The following GRIK2 variants were observed in gnomAD, a reference collection of about 807,000 sequenced individuals.
The protein encoded by GRIK2 is glutamate ionotropic receptor kainate type subunit 2, also known as glutamate receptor ionotropic, kainate 2.
GRIK2 carries 32 observed loss-of-function variants against 100.3 expected under a neutral mutation model. The observed-to-expected ratio is 0.32, with a 90% CI of 0.24 to 0.43. The LOEUF (loss-of-function observed/expected upper bound fraction) is 0.43, where lower values mean the gene tolerates loss of function less well. Ranked by LOEUF, GRIK2 falls within the 20% of genes least tolerant of loss-of-function variation. The pLI is 1.00. For missense variants in GRIK2, 843 were observed against 1,114.9 expected, an observed-to-expected ratio of 0.76 and a Z score of 3.47; for synonymous variants, 417 against 389.4, an observed-to-expected ratio of 1.07 and a Z score of -0.83.
At chr6:101,846,171 C>T (rs1783800494) in intron 10 of GRIK2, among the ~76,000 whole-genome samples, 2 of 151,902 alleles carry the variant, frequency 1.3e-5, no homozygotes, top group Admixed American at 1.3e-4. Context: ...TGATAATGTC[C>T]AATTTATCTA....
At chr6:101,464,552 C>T (rs1315673256) in intron 2 of GRIK2, among the ~76,000 whole-genome samples, 1 of 116,948 alleles carries the variant, frequency 8.6e-6, no homozygotes, top group Non-Finnish European at 1.7e-5. Context: ...GAGTCTCACT[C>T]TGTCGCCAGG....
intron 15 of GRIK2, among the ~76,000 whole-genome samples, chr6:102,042,209 G>A (rs1326908179): frequency 1.3e-5 from 2 of 151,524 alleles, no homozygotes; most frequent in African/African-American, 4.8e-5. Context: ...GACATGTTTA[G>A]TAAACAATCT....
intron 7 of GRIK2, among the ~76,000 whole-genome samples, chr6:101,774,600 TA>T (rs1047929613): frequency 6.6e-6 from 1 of 152,086 alleles, no homozygotes; most frequent in Non-Finnish European, 1.5e-5. Flanking sequence ...CTGATCTTAG[TA>T]AAAAAAATTT....
chr6:101,682,209 T>C (rs1033840788), intron 5 of GRIK2, among the ~76,000 whole-genome samples: 7 of 152,184 alleles, frequency 4.6e-5, no homozygotes, highest in Non-Finnish European at 1.0e-4. Context: ...GTGTTCCTCA[T>C]TGGAGTATTT....
At chr6:101,804,926 C>T (rs1455389088) in intron 9 of GRIK2, among the ~76,000 whole-genome samples, 1 of 151,788 alleles carries the variant, frequency 6.6e-6, no homozygotes, top group Non-Finnish European at 1.5e-5. Flanking sequence ...GCAAAAAGTC[C>T]TCATTTTAAA....
chr6:101,402,530 C>A (rs1775374798), intron 2 of GRIK2, among the ~76,000 whole-genome samples: 1 of 152,180 alleles, frequency 6.6e-6, no homozygotes, highest in Non-Finnish European at 1.5e-5. Flanking sequence ...TGCCCCGAGG[C>A]TCTATGGCAG....
intron 2 of GRIK2, among the ~76,000 whole-genome samples, chr6:101,542,716 T>C (rs1776061558): frequency 6.6e-6 from 1 of 152,104 alleles, no homozygotes; most frequent in East Asian, 1.9e-4. Context: ...AGTTTTATTA[T>C]TATATAACTA....
intron 2 of GRIK2, among the ~76,000 whole-genome samples, chr6:101,502,496 A>T (rs1015448603): frequency 5.9e-5 from 9 of 152,242 alleles, no homozygotes; most frequent in Non-Finnish European, 1.2e-4. Flanking sequence ...AGAAAATAAA[A>T]AATGAAAATA....
chr6:101,554,949 T>TA (rs1236640935), intron 2 of GRIK2, among the ~76,000 whole-genome samples: 1 of 152,190 alleles, frequency 6.6e-6, no homozygotes, highest in Middle Eastern at 3.2e-3. Context: ...TCAGTGATCT[T>TA]ACAGCTACAT....
At chr6:101,869,335 A>C (rs1402556990) in intron 11 of GRIK2, among the ~76,000 whole-genome samples, 4 of 151,944 alleles carry the variant, frequency 2.6e-5, no homozygotes, top group Non-Finnish European at 5.9e-5. Context: ...ATTAAGAAGA[A>C]TTTATTGAAA....
intron 11 of GRIK2, among the ~76,000 whole-genome samples, chr6:101,877,517 T>G (rs1305956709): frequency 1.3e-5 from 2 of 151,978 alleles, no homozygotes; most frequent in Admixed American, 6.6e-5. Context: ...CGATGAATTT[T>G]GGTATTCGAC....
Position 102,068,838 on chromosome 6 carries a change from T to C in GRIK2, c.*327T>C, listed in dbSNP as rs538540606. The C allele has an allele frequency of 2.3e-4, 44 of 190,634 alleles. No individual in the cohort carries two copies. Among genetic ancestry groups the C allele is most frequent in the Admixed American group, 4.6e-4 (8 of 17,450 alleles). The allele number at this position is 190,634 out of a possible 1,614,324, so 11.8% of individuals were successfully genotyped here. On this transcript the variant is annotated 3_prime_UTR_variant, in exon 17 of 17. Coordinates refer to ENST00000369134, the MANE Select transcript of GRIK2 (RefSeq NM_021956.5). ...ACAGGTTCCTTTTGAAGCTCAACTGTTGCCAGGAGATGGAATATCAATGCC... is the reference window on the plus strand; with the variant it reads ...ACAGGTTCCTTTTGAAGCTCAACTGCTGCCAGGAGATGGAATATCAATGCC...
At chr6:102,046,211 AAG>A (rs1205059022) in intron 15 of GRIK2, among the ~76,000 whole-genome samples, 20 of 152,130 alleles carry the variant, frequency 1.3e-4, no homozygotes, top group African/African-American at 4.8e-4. Flanking sequence ...GGACTGAAAA[AAG>A]AAATTAAAAT....
Position 101,429,578 on chromosome 6 carries a change from C to T in GRIK2, c.115+30186C>T, listed in dbSNP as rs1192328237. Among the ~76,000 whole-genome samples, 3 of 152,044 alleles carry T rather than the reference C, an allele frequency of 2.0e-5. No individual in the cohort carries two copies. The South Asian group carries it at 6.2e-4, about 32-fold the overall frequency. The stretch of plus-strand genomic sequence containing the variant: ...TAATTAACATCTTTTCTCTCAGTGG[C>T]AACCTGGAAAAGTTCTTGGTAAGGA... On this transcript the variant is annotated intron_variant, in intron 2 of 16. Coordinates refer to ENST00000369134, the MANE Select transcript of GRIK2 (RefSeq NM_021956.5).
intron 2 of GRIK2, among the ~76,000 whole-genome samples, chr6:101,474,654 A>G (rs1301974112): frequency 6.6e-6 from 1 of 151,844 alleles, no homozygotes; most frequent in Non-Finnish European, 1.5e-5. Context: ...TTTAGTATTC[A>G]TACTAAGCTT....
At chr6:101,428,093 C>T (rs541562427) in intron 2 of GRIK2, among the ~76,000 whole-genome samples, 1 of 152,230 alleles carries the variant, frequency 6.6e-6, no homozygotes, top group African/African-American at 2.4e-5. Context: ...TACAAATCCA[C>T]ATTTTATCAC....
intron 16 of GRIK2, among the ~76,000 whole-genome samples, chr6:102,059,833 A>G (rs944317481): frequency 1.2e-4 from 18 of 150,628 alleles, no homozygotes; most frequent in African/African-American, 4.4e-4. Context: ...GTATATAGAA[A>G]GAATATTTTT....
At chr6:101,564,395 T>G (rs1722365708) in intron 2 of GRIK2, among the ~76,000 whole-genome samples, 1 of 152,198 alleles carries the variant, frequency 6.6e-6, no homozygotes, top group African/African-American at 2.4e-5. Flanking sequence ...GAAGTGAGAC[T>G]GTATCAAAGC....
intron 2 of GRIK2, among the ~76,000 whole-genome samples, chr6:101,610,573 A>C (rs769698919): frequency 6.6e-6 from 1 of 151,862 alleles, no homozygotes; most frequent in Non-Finnish European, 1.5e-5. Context: ...GCATTTAACC[A>C]GATCTGAAAT....
Sources: allele counts gnomAD v4.1 joint callset (sites outside exome capture counted in the v4.1 genomes callset), GRCh38; gene constraint gnomAD v4.1.1; transcripts MANE v1.5; gene names NCBI Gene and HGNC (gene_info 2026-07-23, HGNC 2026-07-21).